YIPF4: variants seen among roughly 807,000 people sequenced by gnomAD.
YIPF4 encodes the protein Yip1 domain family member 4, also known as protein YIPF4.
YIPF4 carries 18 observed loss-of-function variants against 29.4 expected under a neutral mutation model. The ratio of observed to expected loss-of-function variants is 0.61; its 90% confidence interval spans 0.42 to 0.91. The LOEUF (loss-of-function observed/expected upper bound fraction) is 0.91, where lower values mean the gene tolerates loss of function less well. YIPF4 is among the 40% of genes least tolerant of loss of function. The pLI, the probability that YIPF4 is intolerant of heterozygous loss-of-function variation, is 0.00. For synonymous variants in YIPF4, 115 were observed against 104.7 expected (o/e 1.10, Z -0.60); for missense variants, 279 against 282.7 (o/e 0.99, Z 0.09).
In YIPF4 at chr2:32,313,003, C is replaced by G. The variant is rs531726466; in HGVS notation, c.*7377C>G. Reference sequence around the variant, plus strand: ...GAGACTCTGTCTCAAAAAAAAAGACCGCCCCCCCCAATATACACACACCCT... The same window carrying G: ...GAGACTCTGTCTCAAAAAAAAAGACGGCCCCCCCCAATATACACACACCCT... On this transcript the variant is annotated 3_prime_UTR_variant, in exon 6 of 6. Transcript: ENST00000238831. The G allele has an allele frequency of 6.6e-6, 1 of 151,812 alleles. No individual in the cohort carries two copies. The highest frequency in any genetic ancestry group is 1.9e-4 in the East Asian group (1 of 5,178). The allele number at this position is 151,812 out of a possible 1,614,324, so 9.4% of individuals were successfully genotyped here. A position where few individuals can be genotyped will look rare whatever the true frequency, so the allele number is the denominator to read the frequency against.
chr2:32,286,101 G>T (rs1244805749), intron 1 of YIPF4, among the ~76,000 whole-genome samples: 1 of 152,142 alleles, frequency 6.6e-6, no homozygotes, highest in African/African-American at 2.4e-5. Context: ...TTATTTGCAT[G>T]AGTTTTAAAA....
Position 32,316,351 on chromosome 2 carries a change from G to T in YIPF4, c.*10725G>T, listed in dbSNP as rs986835200. The T allele has an allele frequency of 2.6e-5, 4 of 152,142 alleles. No individual in the cohort carries two copies. The highest frequency in any genetic ancestry group is 4.8e-5 in the African/African-American group (2 of 41,450). The allele number at this position is 152,142 out of a possible 1,614,324, so 9.4% of individuals were successfully genotyped here. On this transcript the variant is annotated 3_prime_UTR_variant, in exon 6 of 6. Transcript: ENST00000238831. ...AGGGTAAAAAGACCAACTAATATAT[G>T]TAAAGATGCACAAATTCATTCATGA...
intron 1 of YIPF4, among the ~76,000 whole-genome samples, chr2:32,288,204 A>G (rs556160752): frequency 4.6e-5 from 7 of 152,212 alleles, no homozygotes; most frequent in Non-Finnish European, 1.0e-4. Context: ...ATTCCTACAT[A>G]TGTCCTTGAT....
intron 2 of YIPF4, chr2:32,290,979 T>C (rs900071609): frequency 4.6e-5 from 7 of 153,708 alleles, no homozygotes; most frequent in African/African-American, 1.7e-4. Flanking sequence ...AAATTAAGAT[T>C]TCCAAGAAGA....
chr2:32,291,513 C>T (rs1313590036), intron 2 of YIPF4, among the ~76,000 whole-genome samples: 1 of 152,182 alleles, frequency 6.6e-6, no homozygotes, highest in African/African-American at 2.4e-5. Context: ...CACCGCACTC[C>T]AGCCTGGGTG....
chr2:32,278,260 A>G (rs769101389), intron 1 of YIPF4, 26 bp downstream of exon 1: 12 of 1,536,130 alleles, frequency 7.8e-6, no homozygotes, highest in Admixed American at 4.1e-5. Context: ...TGGAAGGGCT[A>G]TCACCCGGAG....
chr2:32,306,216 C>T lies in YIPF4; in HGVS notation c.*590C>T. 6 of 901,550 alleles carry T rather than the reference C, an allele frequency of 6.7e-6. No homozygotes were observed. Among genetic ancestry groups the T allele is most frequent in the Non-Finnish European group, 8.0e-6 (6 of 753,692 alleles). 55.8% of individuals were successfully genotyped at this position (901,550 alleles called of 1,614,324 possible). The stretch of plus-strand genomic sequence containing the variant: ...AAATTGTATATAGTTTTTAAAATCT[C>T]ACACATGCTTCGATACTTCCTTGTT... On this transcript the variant is annotated 3_prime_UTR_variant, in exon 6 of 6. Coordinates refer to ENST00000238831, the MANE Select transcript of YIPF4 (RefSeq NM_032312.4).
chr2:32,277,979 T>C lies in YIPF4; in HGVS notation c.-177T>C. ...CGCCACCAAGAAGACTTTGGTGGGG[T>C]AGTCTCGGGGCAGCTCAGCGGCCCG... On this transcript the variant is annotated 5_prime_UTR_variant, in exon 1 of 6. An upstream open reading frame in the 5' UTR loses its in-frame stop. Transcript: ENST00000238831. 2 of 547,828 alleles carry C rather than the reference T, an allele frequency of 3.7e-6. No individual in the cohort carries two copies. Among genetic ancestry groups the C allele is most frequent in the Non-Finnish European group, 6.3e-6 (2 of 315,380 alleles). The allele number at this position is 547,828 out of a possible 1,614,324, so 33.9% of individuals were successfully genotyped here. A position where few individuals can be genotyped will look rare whatever the true frequency, so the allele number is the denominator to read the frequency against.
intron 1 of YIPF4, among the ~76,000 whole-genome samples, chr2:32,285,690 G>T (rs1301684687): frequency 2.1e-5 from 3 of 144,030 alleles, no homozygotes; most frequent in Non-Finnish European, 3.0e-5. Context: ...GAGTCTTGCT[G>T]TGTCACCCAG....
At position 32,293,564 on chromosome 2, in the gene YIPF4, A is replaced by ACCG. The variant is rs1327614821; in HGVS notation, c.405+1219_405+1221dup. Among the ~76,000 whole-genome samples, 3 of 152,058 alleles carry ACCG rather than the reference A, an allele frequency of 2.0e-5. No homozygotes were observed. The East Asian group carries it at 5.8e-4, about 29-fold the overall frequency. ...CTTTCCCCCCTTTCTGTTCCACAAA[A>ACCG]CCGCCATTGTCATCGTGGCCCGTTC... is the stretch of plus-strand genomic sequence containing the variant. On this transcript the variant is annotated intron_variant, in intron 3 of 5. Transcript: ENST00000238831.
chr2:32,296,703 G>T (rs1343684818), intron 3 of YIPF4, among the ~76,000 whole-genome samples: 1 of 152,152 alleles, frequency 6.6e-6, no homozygotes, highest in Non-Finnish European at 1.5e-5. Flanking sequence ...AGGTGATAGG[G>T]TAGTATCTGT....
intron 1 of YIPF4, among the ~76,000 whole-genome samples, chr2:32,280,896 T>TA (rs900443426): frequency 5.9e-5 from 9 of 152,184 alleles, no homozygotes; most frequent in South Asian, 2.1e-4. Flanking sequence ...TTCCCAGGTT[T>TA]AAAAAAATTG....
rs767217355 is a variant in YIPF4, at chr2:32,292,363, T to C, written c.405+15T>C. ...GACAGTTTAGGGTAAGTATATCTTA[T>C]TTTATACAAATTCTAAATATTTTGA... On this transcript the variant is annotated intron_variant, in intron 3 of 5. Coordinates refer to ENST00000238831, the MANE Select transcript of YIPF4 (RefSeq NM_032312.4). The C allele has an allele frequency of 2.7e-6, 4 of 1,472,454 alleles. No homozygotes were observed. The highest frequency in any genetic ancestry group is 2.9e-5 in the African/African-American group (2 of 70,112). The allele number at this position is 1,472,454 out of a possible 1,614,324, so 91.2% of individuals were successfully genotyped here.
intron 5 of YIPF4, among the ~76,000 whole-genome samples, chr2:32,301,999 C>T (rs2031421360): frequency 6.6e-6 from 1 of 152,018 alleles, no homozygotes; most frequent in South Asian, 2.1e-4. Flanking sequence ...GCCACCACAC[C>T]CGGCCTGGTC....
chr2:32,283,991 A>G (rs1179438278), intron 1 of YIPF4, among the ~76,000 whole-genome samples: 4 of 152,040 alleles, frequency 2.6e-5, no homozygotes, highest in African/African-American at 9.7e-5. Flanking sequence ...AAGTGCTGGG[A>G]TTGATTACAG....
chr2:32,290,747 A>C, intron 2 of YIPF4, 111 bp downstream of exon 2: 1 of 661,490 alleles, frequency 1.5e-6, no homozygotes, highest in South Asian at 6.8e-5. Context: ...GTCAAAAGCT[A>C]TAGTGATTGT....
chr2:32,281,888 C>CTT (rs981772849), intron 1 of YIPF4, among the ~76,000 whole-genome samples: 2 of 120,992 alleles, frequency 1.7e-5, no homozygotes, highest in African/African-American at 6.2e-5. Context: ...GGGTGAGACT[C>CTT]TGTCTCAAAA....
chr2:32,297,127 GT>G (rs940558324), intron 3 of YIPF4, among the ~76,000 whole-genome samples: 20 of 143,786 alleles, frequency 1.4e-4, no homozygotes, highest in East Asian at 2.0e-4. Context: ...CCGTTTTTTT[GT>G]TTTTTTTTTT....
chr2:32,294,874 G>C (rs918318570), intron 3 of YIPF4, among the ~76,000 whole-genome samples: 1 of 152,238 alleles, frequency 6.6e-6, no homozygotes, highest in Non-Finnish European at 1.5e-5. Flanking sequence ...AGACCAGCCC[G>C]GCCAACACAG....
Sources: allele counts gnomAD v4.1 joint callset (sites outside exome capture counted in the v4.1 genomes callset), GRCh38; gene constraint gnomAD v4.1.1; transcripts MANE v1.5; gene names NCBI Gene and HGNC (gene_info 2026-07-23, HGNC 2026-07-21).